The following CADM2 variants were observed in gnomAD, a reference collection of about 807,000 sequenced individuals.
CADM2 encodes the protein immunoglobulin superfamily member 4D.
In CADM2, 12 loss-of-function variants were observed where a neutral mutation model predicts 49.8. That is an observed-to-expected ratio of 0.24 (90% confidence interval 0.15 to 0.39). The LOEUF (loss-of-function observed/expected upper bound fraction) is 0.39. Ranked by LOEUF, CADM2 falls within the 10% of genes least tolerant of loss-of-function variation. CADM2 has a pLI of 1.00. For missense variants in CADM2, 378 were observed against 492.3 expected (o/e 0.77, Z 2.20); for synonymous variants, 214 against 175.4 (o/e 1.22, Z -1.74).
intron 1 of CADM2, among the ~76,000 whole-genome samples, chr3:85,620,240 A>C (rs1447645120): frequency 6.6e-6 from 1 of 152,046 alleles, no homozygotes; most frequent in Non-Finnish European, 1.5e-5. Context: ...ACAGAACCTA[A>C]AATAGTCAAT....
At chr3:85,106,018 A>G (rs2038209592) in intron 1 of CADM2, among the ~76,000 whole-genome samples, 1 of 152,126 alleles carries the variant, frequency 6.6e-6, no homozygotes, top group Non-Finnish European at 1.5e-5. Context: ...TGGGTGCAGC[A>G]CACCAGCATG....
chr3:85,386,722 G>A (rs539364352), intron 1 of CADM2, among the ~76,000 whole-genome samples: 1 of 152,238 alleles, frequency 6.6e-6, no homozygotes, highest in African/African-American at 2.4e-5. Context: ...AAAACACCGT[G>A]AATACTACCT....
intron 8 of CADM2, among the ~76,000 whole-genome samples, chr3:86,017,144 G>GTA (rs1268030324): frequency 1.5e-5 from 2 of 137,328 alleles, no homozygotes; most frequent in African/African-American, 3.0e-5. Context: ...AAAAATGTGT[G>GTA]TATATATATG....
intron 1 of CADM2, among the ~76,000 whole-genome samples, chr3:85,348,802 A>G (rs1214073866): frequency 6.6e-6 from 1 of 152,108 alleles, no homozygotes; most frequent in African/African-American, 2.4e-5. Flanking sequence ...GAAGCTCTTA[A>G]CCCTACTTAA....
intron 1 of CADM2, among the ~76,000 whole-genome samples, chr3:85,364,021 A>G (rs1182396133): frequency 6.6e-6 from 1 of 152,222 alleles, no homozygotes; most frequent in Non-Finnish European, 1.5e-5. Flanking sequence ...ATGTAACAAC[A>G]GGTAATGCTA....
chr3:85,104,395 C>G (rs939578180), intron 1 of CADM2, among the ~76,000 whole-genome samples: 1 of 151,978 alleles, frequency 6.6e-6, no homozygotes, highest in Non-Finnish European at 1.5e-5. Context: ...CTGTTCTGTT[C>G]CATTGACCTA....
chr3:85,414,142 G>C (rs903028062), intron 1 of CADM2, among the ~76,000 whole-genome samples: 1 of 151,902 alleles, frequency 6.6e-6, no homozygotes, highest in African/African-American at 2.4e-5. Flanking sequence ...GGATTACAAG[G>C]GTGCACCACC....
chr3:85,025,475 A>G (rs558034399), intron 1 of CADM2, among the ~76,000 whole-genome samples: 1 of 152,328 alleles, frequency 6.6e-6, no homozygotes, highest in South Asian at 2.1e-4. Context: ...AATATTATCC[A>G]TATTTACCAA....
chr3:85,524,049 A>G lies in CADM2; in HGVS notation c.62-202473A>G, dbSNP rs566034119. On this transcript the variant is annotated intron_variant, in intron 1 of 9. Coordinates refer to ENST00000383699, the MANE Select transcript of CADM2 (RefSeq NM_001167675.2). ...CCAAGTTATAAGGAAATCATCAAAC[A>G]CTGTGAAGATCATCCACAAGGAGCT... is the stretch of plus-strand genomic sequence containing the variant. 3.3e-5 allele frequency among the ~76,000 whole-genome samples: 5 copies of G among 152,262 alleles called. No homozygotes were observed. The South Asian group carries it at 1.0e-3, about 32-fold the overall frequency.
intron 1 of CADM2, among the ~76,000 whole-genome samples, chr3:85,144,064 A>T (rs1318940729): frequency 2.0e-5 from 3 of 152,002 alleles, no homozygotes; most frequent in African/African-American, 7.3e-5. Context: ...TGTTCCTTAG[A>T]TATTCTCTTT....
chr3:85,691,784 G>A (rs1261266927), intron 1 of CADM2, among the ~76,000 whole-genome samples: 2 of 152,158 alleles, frequency 1.3e-5, no homozygotes, highest in Non-Finnish European at 2.9e-5. Context: ...ACCATGGAAT[G>A]TTATGCATCC....
intron 1 of CADM2, among the ~76,000 whole-genome samples, chr3:85,228,418 A>G (rs940992264): frequency 6.7e-6 from 1 of 150,214 alleles, no homozygotes; most frequent in African/African-American, 2.4e-5. Context: ...GATTGATTTA[A>G]CTATTGAAAC....
Position 85,998,765 on chromosome 3 carries a change from A to G in CADM2, c.970+37118A>G, listed in dbSNP as rs150075239. 1.9e-4 allele frequency among the ~76,000 whole-genome samples: 29 copies of G among 152,272 alleles called. No homozygotes were observed. The East Asian group carries it at 5.6e-3, about 29-fold the overall frequency. On this transcript the variant is annotated intron_variant, in intron 8 of 9. Transcript: ENST00000383699. The stretch of plus-strand genomic sequence containing the variant: ...TGGAAGATTGAGAAAGAAAGGAATG[A>G]CAAGAAGCCATTGGAGAAATCTAGA...
chr3:85,070,456 T>C (rs1421345180), intron 1 of CADM2, among the ~76,000 whole-genome samples: 1 of 152,226 alleles, frequency 6.6e-6, no homozygotes, highest in Non-Finnish European at 1.5e-5. Flanking sequence ...TAAATGTTCA[T>C]TTGTTATCTG....
At position 85,883,356 on chromosome 3, in the gene CADM2, G is replaced by A. The variant is rs776303379; in HGVS notation, c.304G>A (p.Asp102Asn). 1.2e-6 allele frequency: 2 copies of A among 1,613,898 alleles called. No homozygotes were observed. The highest frequency in any genetic ancestry group is 4.5e-5 in the East Asian group (2 of 44,848). ...GCATGAATTGAGTATTAGTGTCAGT[G>A]ATGTGTCTCTCTCTGATGAAGGACA... The part of the protein sequence containing the change: ...SWHELSISVS[D>N]VSLSDEGQYT... The change falls in exon 4 of 10, where the codon GAT becomes AAT. Residue 102 changes from aspartate (D) to asparagine (N), a missense_variant. Coordinates refer to ENST00000383699, the MANE Select transcript of CADM2 (RefSeq NM_001167675.2).
At chr3:85,515,580 G>A (rs1159606297) in intron 1 of CADM2, among the ~76,000 whole-genome samples, 2 of 141,826 alleles carry the variant, frequency 1.4e-5, no homozygotes, top group East Asian at 2.0e-4. Flanking sequence ...GTGCCACCAC[G>A]CCCTACAGGA....
At chr3:85,264,893 A>G (rs184284790) in intron 1 of CADM2, among the ~76,000 whole-genome samples, 2 of 152,038 alleles carry the variant, frequency 1.3e-5, no homozygotes, top group Non-Finnish European at 2.9e-5. Context: ...ATAACTGGCT[A>G]TTTCAAGCCA....
intron 8 of CADM2, among the ~76,000 whole-genome samples, chr3:86,056,268 T>C (rs550623492): frequency 2.6e-5 from 4 of 152,234 alleles, no homozygotes; most frequent in Non-Finnish European, 5.9e-5. Flanking sequence ...TTCAGATTCT[T>C]CAGAGCTAAA....
chr3:85,831,761 A>G (rs2074197966), intron 3 of CADM2, among the ~76,000 whole-genome samples: 1 of 151,776 alleles, frequency 6.6e-6, no homozygotes. Context: ...GTTTGTGACT[A>G]TTTTCTCCCA....
Sources: allele counts gnomAD v4.1 joint callset (sites outside exome capture counted in the v4.1 genomes callset), GRCh38; gene constraint gnomAD v4.1.1; transcripts MANE v1.5; gene names NCBI Gene and HGNC (gene_info 2026-07-23, HGNC 2026-07-21).